GIPC2: variants seen among roughly 807,000 people sequenced by gnomAD.
GIPC2 encodes the protein PDZ domain-containing protein GIPC2.
In GIPC2, 30 loss-of-function variants were observed where a neutral mutation model predicts 30.6. The observed-to-expected ratio is 0.98, with a 90% CI of 0.73 to 1.33. The LOEUF (loss-of-function observed/expected upper bound fraction) is 1.33, where lower values mean the gene tolerates loss of function less well. Ranked by LOEUF, GIPC2 falls within the 40% of genes most tolerant of loss-of-function variation. GIPC2 has a pLI of 0.00. For synonymous variants in GIPC2, 167 were observed against 150.0 expected, an observed-to-expected ratio of 1.11 and a Z score of -0.83; for missense variants, 414 against 390.3, an observed-to-expected ratio of 1.06 and a Z score of -0.51.
At chr1:78,089,793 A>G (rs1444806805) in intron 2 of GIPC2, among the ~76,000 whole-genome samples, 1 of 152,226 alleles carries the variant, frequency 6.6e-6, no homozygotes, top group Admixed American at 6.5e-5. Flanking sequence ...GTATATAGTT[A>G]AGGCAGCAGC....
At chr1:78,086,362 G>T (rs1005469212) in intron 2 of GIPC2, among the ~76,000 whole-genome samples, 2 of 152,130 alleles carry the variant, frequency 1.3e-5, no homozygotes, top group African/African-American at 4.8e-5. Context: ...CAATTTTAGA[G>T]TATATACCAT....
intron 3 of GIPC2, among the ~76,000 whole-genome samples, chr1:78,097,943 G>T (rs1662168680): frequency 6.6e-6 from 1 of 152,170 alleles, no homozygotes; most frequent in Non-Finnish European, 1.5e-5. Context: ...TAATGGGGAA[G>T]GCAGGCTATA....
At chr1:78,060,705 A>G (rs866342070) in intron 1 of GIPC2, among the ~76,000 whole-genome samples, 1 of 152,240 alleles carries the variant, frequency 6.6e-6, no homozygotes, top group Non-Finnish European at 1.5e-5. Context: ...AGTAAGGTAT[A>G]TAAATTGAAT....
intron 3 of GIPC2, among the ~76,000 whole-genome samples, chr1:78,114,453 T>C (rs567714029): frequency 6.6e-6 from 1 of 152,194 alleles, no homozygotes; most frequent in African/African-American, 2.4e-5. Flanking sequence ...TCCTGCTTGT[T>C]TTTGTCTATA....
intron 3 of GIPC2, among the ~76,000 whole-genome samples, chr1:78,107,530 A>G (rs1201797081): frequency 6.6e-6 from 1 of 152,112 alleles, no homozygotes; most frequent in East Asian, 1.9e-4. Context: ...CAATTATTTT[A>G]AAAAGGAAGG....
chr1:78,106,698 G>C (rs1662359958), intron 3 of GIPC2, among the ~76,000 whole-genome samples: 1 of 152,144 alleles, frequency 6.6e-6, no homozygotes. Flanking sequence ...TTATTTATTT[G>C]AGACAGAGTT....
At chr1:78,054,841 G>C (rs1269658610) in intron 1 of GIPC2, among the ~76,000 whole-genome samples, 2 of 152,134 alleles carry the variant, frequency 1.3e-5, no homozygotes, top group African/African-American at 4.8e-5. Context: ...GAAGATATCT[G>C]AACAACCCTA....
chr1:78,090,285 C>T (rs938895881), intron 2 of GIPC2, among the ~76,000 whole-genome samples: 12 of 152,160 alleles, frequency 7.9e-5, no homozygotes, highest in African/African-American at 2.9e-4. Flanking sequence ...ACCTCTGCCT[C>T]CTGGGTTCAA....
In GIPC2 at chr1:78,137,402, CA is replaced by C. The variant is rs1663025889; in HGVS notation, c.*1661del. 1 of 152,078 alleles carries C rather than the reference CA, an allele frequency of 6.6e-6. No individual in the cohort carries two copies. The highest frequency in any genetic ancestry group is 2.4e-5 in the African/African-American group (1 of 41,404). 9.4% of individuals were successfully genotyped at this position (152,078 alleles called of 1,614,324 possible). ...AGAAACATTCTCGTTTAAACAACAA[CA>C]ACAAAATAAATTTATCAGCACTAGA... is the stretch of plus-strand genomic sequence containing the variant. On this transcript the variant is annotated 3_prime_UTR_variant, in exon 6 of 6. Transcript: ENST00000370759.
At chr1:78,050,474 G>A (rs1661175395) in intron 1 of GIPC2, among the ~76,000 whole-genome samples, 1 of 151,870 alleles carries the variant, frequency 6.6e-6, no homozygotes, top group South Asian at 2.1e-4. Flanking sequence ...GGCCAGTTAT[G>A]CAAAAATCCC....
At chr1:78,128,560 C>T (rs562303944) in intron 5 of GIPC2, among the ~76,000 whole-genome samples, 3 of 152,302 alleles carry the variant, frequency 2.0e-5, no homozygotes, top group South Asian at 4.1e-4. Context: ...ATTCGTACAA[C>T]AGTCTAGACT....
chr1:78,051,603 G>A (rs1030468194), intron 1 of GIPC2, among the ~76,000 whole-genome samples: 1 of 152,062 alleles, frequency 6.6e-6, no homozygotes, highest in African/African-American at 2.4e-5. Context: ...GGGTTCAAGT[G>A]ATTCTCCTGC....
At chr1:78,109,965 C>T (rs1425215008) in intron 3 of GIPC2, among the ~76,000 whole-genome samples, 1 of 151,764 alleles carries the variant, frequency 6.6e-6, no homozygotes, top group Non-Finnish European at 1.5e-5. Flanking sequence ...CATGTTCTCA[C>T]TCGTAGGTGG....
intron 1 of GIPC2, among the ~76,000 whole-genome samples, chr1:78,075,678 C>T (rs138263696): frequency 2.1e-3 from 315 of 152,210 alleles, no homozygotes; most frequent in African/African-American, 7.2e-3. Context: ...CTTTATTAGG[C>T]GTGAAAAAAT....
chr1:78,053,075 G>T (rs1661223780), intron 1 of GIPC2, among the ~76,000 whole-genome samples: 1 of 152,146 alleles, frequency 6.6e-6, no homozygotes, highest in Non-Finnish European at 1.5e-5. Flanking sequence ...AAAAATGAAA[G>T]AATTGGGAAT....
intron 1 of GIPC2, among the ~76,000 whole-genome samples, chr1:78,061,805 T>G (rs911332667): frequency 1.3e-5 from 2 of 152,112 alleles, no homozygotes; most frequent in Non-Finnish European, 2.9e-5. Flanking sequence ...TTAGTAGAGA[T>G]AGGGTTTTGC....
At chr1:78,123,232 C>T (rs1662716381) in intron 4 of GIPC2, among the ~76,000 whole-genome samples, 1 of 137,668 alleles carries the variant, frequency 7.3e-6, no homozygotes, top group East Asian at 2.6e-4. Flanking sequence ...TGCACTCCAG[C>T]CTGGGTGACA....
intron 5 of GIPC2, among the ~76,000 whole-genome samples, chr1:78,135,256 G>A (rs1400880665): frequency 6.6e-6 from 1 of 152,126 alleles, no homozygotes; most frequent in Non-Finnish European, 1.5e-5. Flanking sequence ...TCCTGCTAGG[G>A]TTAGTCACAG....
intron 1 of GIPC2, among the ~76,000 whole-genome samples, chr1:78,052,401 CA>C (rs1661213465): frequency 1.3e-5 from 2 of 152,194 alleles, no homozygotes; most frequent in African/African-American, 4.8e-5. Context: ...TTGCCTGAAA[CA>C]TATTATAGTT....
Sources: gnomAD v4.1 joint callset for allele counts (sites outside exome capture counted in the v4.1 genomes callset) on GRCh38, gnomAD v4.1.1 for gene constraint, MANE v1.5 for transcripts, NCBI Gene and HGNC (gene_info 2026-07-23, HGNC 2026-07-21) for gene names.